The following PHF19 variants were observed in gnomAD, a reference collection of about 807,000 sequenced individuals.
PHF19 encodes PHD finger protein 19.
In PHF19, 21 loss-of-function variants were observed where a neutral mutation model predicts 79.8. That is an observed-to-expected ratio of 0.26 (90% CI 0.19 to 0.38). PHF19 has a LOEUF of 0.38. PHF19 is among the 10% of genes least tolerant of loss of function. The pLI is 1.00. For missense variants in PHF19, 445 were observed against 744.2 expected (o/e 0.60, Z 4.68); for synonymous variants, 273 against 296.3 (o/e 0.92, Z 0.81).
chr9:120,903,905 G>C, the PHF19 span: 1 of 152,230 alleles, frequency 6.6e-6, no homozygotes, highest in Non-Finnish European at 1.5e-5. Context: ...CTCAGCAATG[G>C]CCTTTTCAAA....
intron 1 of PHF19, among the ~76,000 whole-genome samples, chr9:120,889,811 G>GAGAA (rs2046316926): frequency 6.6e-6 from 1 of 150,958 alleles, no homozygotes; most frequent in African/African-American, 2.4e-5. Context: ...AAGAAAGAAA[G>GAGAA]AGAAAGAAAA....
chr9:120,870,905 ATTTG>A lies in PHF19; in HGVS notation c.269-371_269-368del, dbSNP rs908486055. Among the ~76,000 whole-genome samples, 6 of 152,098 alleles carry A rather than the reference ATTTG, an allele frequency of 3.9e-5. No individual in the cohort carries two copies. Among genetic ancestry groups the A allele is most frequent in the East Asian group, 1.9e-4 (1 of 5,196 alleles). ...TAAAACTTTATTATGGGATAATATAATTTGTTTGTTTGTTTTGTTGAGATGGAGT... is the reference window on the plus strand; with the variant it reads ...TAAAACTTTATTATGGGATAATATAATTTGTTTGTTTTGTTGAGATGGAGT... On this transcript the variant is annotated intron_variant, in intron 3 of 14. Transcript: ENST00000373896. The surrounding 1 kb of genome is among the most constrained non-coding windows in gnomAD (Gnocchi z 4.4).
chr9:120,881,149 G>GA (rs1564514894), upstream of PHF19, among the ~76,000 whole-genome samples: 1 of 133,666 alleles, frequency 7.5e-6, no homozygotes, highest in Non-Finnish European at 1.6e-5. Context: ...TCGGGGGTTT[G>GA]TTTTTTTTTT....
At chr9:120,867,008 C>G (rs2045723474) in intron 6 of PHF19, 43 bp from the exon 7 acceptor site, 1 of 1,184,650 alleles carries the variant, frequency 8.4e-7, no homozygotes, top group Non-Finnish European at 1.3e-6. Context: ...ACCACACCCC[C>G]AGTCAGGTAT....
chr9:120,877,350 A>G (rs2046096652), upstream of PHF19: 15 of 980,476 alleles, frequency 1.5e-5, no homozygotes, highest in Non-Finnish European at 1.7e-5. Context: ...CGAATTATTG[A>G]CGTCCCGCTT....
At chr9:120,897,451 G>A (rs1305783745), upstream of PHF19, among the ~76,000 whole-genome samples, 1 of 152,192 alleles carries the variant, frequency 6.6e-6, no homozygotes, top group Admixed American at 6.5e-5. Context: ...AAAGGAGCTT[G>A]GTTTCAGGTC....
chr9:120,897,724 AT>A (rs1448826448), upstream of PHF19, among the ~76,000 whole-genome samples: 1 of 152,166 alleles, frequency 6.6e-6, no homozygotes, highest in Non-Finnish European at 1.5e-5. Context: ...CACACCTGTA[AT>A]CCCAGCAGCT....
chr9:120,863,985 T>G, intron 10 of PHF19, 64 bp downstream of exon 10: 42 of 1,303,324 alleles, frequency 3.2e-5, no homozygotes, highest in Non-Finnish European at 4.4e-5. Flanking sequence ...GCAAAGGCTA[T>G]GAGGTAGGAA....
Position 120,870,015 on chromosome 9 carries a change from G to A in PHF19, c.365-70C>T, listed in dbSNP as rs2045848277. ...GCCCAAGGCCAGTTGGCCCAAAGGA[G>A]GCAGGGCTGGGAGGGCTGAGGGAAG... On this transcript the variant is annotated intron_variant, in intron 4 of 14. Transcript: ENST00000373896. This position sits in a 1 kb window ranked among gnomAD's most constrained non-coding sequence, Gnocchi z 4.4. 1.3e-6 allele frequency: 2 copies of A among 1,527,792 alleles called. No homozygotes were observed. The highest frequency in any genetic ancestry group is 1.4e-5 in the African/African-American group (1 of 72,740). The allele number at this position is 1,527,792 out of a possible 1,614,324, so 94.6% of individuals were successfully genotyped here.
At chr9:120,895,244 G>A (rs2046391324), upstream of PHF19, among the ~76,000 whole-genome samples, 1 of 152,130 alleles carries the variant, frequency 6.6e-6, no homozygotes. Flanking sequence ...CTCCCTGGAG[G>A]CTTTTCTCAT....
chr9:120,879,289 A>T (rs1478654870), upstream of PHF19, among the ~76,000 whole-genome samples: 2 of 152,234 alleles, frequency 1.3e-5, no homozygotes, highest in Non-Finnish European at 2.9e-5. Flanking sequence ...TGTGAGACAC[A>T]CAGGTGGATG....
intron 9 of PHF19, 108 bp downstream of exon 9, chr9:120,865,602 C>T: frequency 7.4e-7 from 1 of 1,357,452 alleles, no homozygotes; most frequent in Non-Finnish European, 1.0e-6. Context: ...CTCAGGGATG[C>T]AGCAACTCAA....
chr9:120,872,536 T>C (rs2045933396), intron 3 of PHF19, among the ~76,000 whole-genome samples: 1 of 152,180 alleles, frequency 6.6e-6, no homozygotes. Context: ...ATTTCAGGGG[T>C]TGGAGAGGAA....
At chr9:120,880,558 G>A (rs532264253), upstream of PHF19, among the ~76,000 whole-genome samples, 10 of 152,114 alleles carry the variant, frequency 6.6e-5, no homozygotes, top group Non-Finnish European at 1.5e-4. Flanking sequence ...TAATATACTG[G>A]GAGTAAAAAT....
chr9:120,876,680 G>T (rs888326639), intron 1 of PHF19, among the ~76,000 whole-genome samples: 3 of 152,152 alleles, frequency 2.0e-5, no homozygotes, highest in African/African-American at 7.2e-5. Flanking sequence ...TGTTCAGGAG[G>T]GGGGAAAAAG....
Position 120,859,976 on chromosome 9 carries a change from G to A in PHF19, c.1400+114C>T, listed in dbSNP as rs890494590. 58 of 674,978 alleles carry A rather than the reference G, an allele frequency of 8.6e-5. No homozygotes were observed. The Admixed American group carries it at 1.1e-3, about 13-fold the overall frequency. The allele number at this position is 674,978 out of a possible 1,614,324, so 41.8% of individuals were successfully genotyped here. A position where few individuals can be genotyped will look rare whatever the true frequency, so the allele number is the denominator to read the frequency against. On this transcript the variant is annotated intron_variant, in intron 14 of 14. Transcript: ENST00000373896. Reference sequence around the variant, plus strand: ...AATTGCAGAAGGCCAGGTACTCCCCGCCAGAGACTGAGACACATAGAATGA... The same window carrying A: ...AATTGCAGAAGGCCAGGTACTCCCCACCAGAGACTGAGACACATAGAATGA...
the PHF19 span, chr9:120,903,862 T>C: frequency 1.3e-5 from 2 of 152,276 alleles, no homozygotes; most frequent in African/African-American, 4.8e-5. Context: ...CAGCCTCTGA[T>C]GCCACCTGCA....
rs1008783849 is a variant in PHF19 at position 120,874,813 on chromosome 9, CA to C, written c.-15-58del. Reference sequence around the variant, plus strand: ...TGCTTCCCTGCTTCAGAAAGCCCATCAGGGGAAGGAAGGAAACCACCATTTC... The same window carrying C: ...TGCTTCCCTGCTTCAGAAAGCCCATCGGGGAAGGAAGGAAACCACCATTTC... On this transcript the variant is annotated intron_variant, in intron 1 of 14. Transcript: ENST00000373896. This position sits in a 1 kb window ranked among gnomAD's most constrained non-coding sequence, Gnocchi z 4.5. The C allele has an allele frequency of 3.4e-6, 4 of 1,187,694 alleles. No individual in the cohort carries two copies. The highest frequency in any genetic ancestry group is 3.0e-5 in the African/African-American group (2 of 66,286). 73.6% of individuals were successfully genotyped at this position (1,187,694 alleles called of 1,614,324 possible).
intron 1 of PHF19, among the ~76,000 whole-genome samples, chr9:120,884,580 TGAG>T (rs2046237502): frequency 6.6e-6 from 1 of 152,156 alleles, no homozygotes; most frequent in Non-Finnish European, 1.5e-5. Context: ...TTGGTGGAAC[TGAG>T]GTTTGAACCC....
Sources: allele counts gnomAD v4.1 joint callset (sites outside exome capture counted in the v4.1 genomes callset), GRCh38; gene constraint gnomAD v4.1.1; non-coding constraint Gnocchi (gnomAD v3.1); transcripts MANE v1.5; gene names NCBI Gene and HGNC (gene_info 2026-07-23, HGNC 2026-07-21).